SEC14L1: variants seen among roughly 807,000 people sequenced by gnomAD.
SEC14L1 encodes SEC14 like lipid binding 1.
SEC14L1 carries 48 observed loss-of-function variants against 85.3 expected under a neutral mutation model. The observed-to-expected ratio is 0.56, with a 90% CI of 0.45 to 0.72. The LOEUF (loss-of-function observed/expected upper bound fraction) is 0.72. SEC14L1 is among the 30% of genes least tolerant of loss of function. SEC14L1 has a pLI of 0.00. For synonymous variants in SEC14L1, 391 were observed against 355.5 expected (o/e 1.10, Z -1.12); for missense variants, 682 against 921.4 (o/e 0.74, Z 3.36).
chr17:77,139,835 A>G (rs762594338), upstream of SEC14L1, among the ~76,000 whole-genome samples: 24 of 152,128 alleles, frequency 1.6e-4, no homozygotes, highest in Non-Finnish European at 2.6e-4. Context: ...AAAGCCAGTC[A>G]GACTGAATGT....
chr17:77,117,578 T>C (rs1972203591), intron 3 of SEC14L1, among the ~76,000 whole-genome samples: 1 of 152,188 alleles, frequency 6.6e-6, no homozygotes, highest in African/African-American at 2.4e-5. Flanking sequence ...GATCAACTCT[T>C]AGATGAGAAT....
chr17:77,101,642 T>G (rs1230941115), intron 3 of SEC14L1, among the ~76,000 whole-genome samples: 1 of 152,230 alleles, frequency 6.6e-6, no homozygotes, highest in Non-Finnish European at 1.5e-5. Context: ...CCCATCAAAA[T>G]GCAGCTTCTG....
chr17:77,206,961 T>A lies in SEC14L1; in HGVS notation c.1476+99T>A, dbSNP rs374340238. ...ATGATTTTCAGAACTTCCAGTTGTT[T>A]GGATGTTTTGTTTTTGTTTTGTTTC... On this transcript the variant is annotated intron_variant, in intron 13 of 16. Transcript: ENST00000436233. This position sits in a 1 kb window ranked among gnomAD's most constrained non-coding sequence, Gnocchi z 4.3. 1.2e-4 allele frequency: 155 copies of A among 1,280,368 alleles called. 6 individuals carry two copies. In the East Asian group the frequency reaches 1.7e-3, roughly 14 times the overall value. 79.3% of individuals were successfully genotyped at this position (1,280,368 alleles called of 1,614,324 possible). A position where few individuals can be genotyped will look rare whatever the true frequency, so the allele number is the denominator to read the frequency against.
In SEC14L1 at chr17:77,142,944, A is replaced by G. The variant is rs572144374; in HGVS notation, c.-31+194A>G. ...TTACGGATATTAGCTATCTGAGGCT[A>G]GAGATTTCAGTGGAGCCTGTTTAGC... On this transcript the variant is annotated intron_variant, in intron 2 of 16. Transcript: ENST00000436233. Among the ~76,000 whole-genome samples, 351 of 152,372 alleles carry G rather than the reference A, an allele frequency of 2.3e-3. 3 individuals carry two copies. The highest frequency in any genetic ancestry group is 7.6e-3 in the African/African-American group (317 of 41,586).
intron 3 of SEC14L1, among the ~76,000 whole-genome samples, chr17:77,182,258 C>T (rs1009046759): frequency 2.0e-5 from 3 of 152,092 alleles, no homozygotes; most frequent in Non-Finnish European, 4.4e-5. Context: ...GTTGAAATGT[C>T]GTCACAAAAA....
chr17:77,174,724 A>G (rs987199553), intron 3 of SEC14L1, among the ~76,000 whole-genome samples: 3 of 152,146 alleles, frequency 2.0e-5, no homozygotes, highest in African/African-American at 7.2e-5. Context: ...GGAATCCTGG[A>G]TGGGCCCCCA....
intron 3 of SEC14L1, among the ~76,000 whole-genome samples, chr17:77,161,712 CT>C (rs763767954): frequency 0.28 from 28,786 of 102,948 alleles, 3,158 homozygotes; most frequent in Middle Eastern, 0.33. Flanking sequence ...TAAATTGGTT[CT>C]TTTTTTTTTT....
chr17:77,137,065 A>C (rs1972821313), upstream of SEC14L1, among the ~76,000 whole-genome samples: 1 of 151,964 alleles, frequency 6.6e-6, no homozygotes, highest in Non-Finnish European at 1.5e-5. Context: ...ATGTGCCACC[A>C]TGCCTGGTTA....
chr17:77,149,856 G>GTTTTTTTTT (rs201022692), intron 3 of SEC14L1, among the ~76,000 whole-genome samples: 4 of 123,924 alleles, frequency 3.2e-5, no homozygotes, highest in South Asian at 2.6e-4. Context: ...GCTGATTTGT[G>GTTTTTTTTT]TTTTTTTTTT....
chr17:77,200,989 C>T (rs1314834865), intron 9 of SEC14L1, among the ~76,000 whole-genome samples: 4 of 152,198 alleles, frequency 2.6e-5, no homozygotes, highest in African/African-American at 7.2e-5. Context: ...GACAGCAGTG[C>T]CTCTGGCAGA....
intron 3 of SEC14L1, among the ~76,000 whole-genome samples, chr17:77,124,265 G>GA (rs1972378829): frequency 6.6e-6 from 1 of 152,214 alleles, no homozygotes; most frequent in African/African-American, 2.4e-5. Context: ...TTGGGGGGCT[G>GA]AGGGGGGAGG....
At chr17:77,137,444 T>G (rs571842353), upstream of SEC14L1, among the ~76,000 whole-genome samples, 3 of 152,182 alleles carry the variant, frequency 2.0e-5, no homozygotes, top group African/African-American at 4.8e-5. Flanking sequence ...GAAGATCTCA[T>G]GTGAACTTAG....
intron 3 of SEC14L1, among the ~76,000 whole-genome samples, chr17:77,102,557 G>A (rs767658158): frequency 1.1e-4 from 16 of 151,852 alleles, no homozygotes; most frequent in African/African-American, 1.9e-4. Context: ...AGCCTGGAGT[G>A]CAGTGGCGTG....
At chr17:77,104,789 TCAAA>T (rs1971867438) in intron 3 of SEC14L1, among the ~76,000 whole-genome samples, 1 of 79,280 alleles carries the variant, frequency 1.3e-5, no homozygotes, top group Admixed American at 1.6e-4. Context: ...AGACTCCATT[TCAAA>T]AAAAAAAAAA....
intron 3 of SEC14L1, among the ~76,000 whole-genome samples, chr17:77,128,895 A>G (rs1410758188): frequency 6.6e-6 from 1 of 152,154 alleles, no homozygotes; most frequent in Non-Finnish European, 1.5e-5. Context: ...GCTCATAATT[A>G]TAGACAATGG....
chr17:77,216,610 A>C lies in SEC14L1; in HGVS notation c.*2587A>C. 6.2e-7 allele frequency: 1 copy of C among 1,613,232 alleles called. No homozygotes were observed. The highest frequency in any genetic ancestry group is 8.5e-7 in the Non-Finnish European group (1 of 1,179,398). ...CACTCAACAGTCCTCATGTGCCCAG[A>C]GATGTTTATAGAACTGTTTGAATTG... On this transcript the variant is annotated 3_prime_UTR_variant, in exon 17 of 17. Coordinates refer to ENST00000436233, the MANE Select transcript of SEC14L1 (RefSeq NM_001143998.2).
chr17:77,215,209 TTTTG>T lies in SEC14L1; in HGVS notation c.*1190_*1193del, dbSNP rs1484871248. 1 of 985,328 alleles carries T rather than the reference TTTTG, an allele frequency of 1.0e-6. No homozygotes were observed. Among genetic ancestry groups the T allele is most frequent in the Non-Finnish European group, 1.2e-6 (1 of 829,942 alleles). 61.0% of individuals were successfully genotyped at this position (985,328 alleles called of 1,614,324 possible). On this transcript the variant is annotated 3_prime_UTR_variant, in exon 17 of 17. Coordinates refer to ENST00000436233, the MANE Select transcript of SEC14L1 (RefSeq NM_001143998.2). ...ATATGGGATTTGTTTGCCTTTTACA[TTTTG>T]TTTAATTCCTGATTTTAAAGCCTGC...
chr17:77,166,799 A>T (rs141777790), intron 3 of SEC14L1, among the ~76,000 whole-genome samples: 2 of 152,204 alleles, frequency 1.3e-5, no homozygotes, highest in Non-Finnish European at 2.9e-5. Context: ...AGATCGTGCC[A>T]TTGCACTCCA....
intron 9 of SEC14L1, 90 bp from the exon 10 acceptor site, chr17:77,203,480 G>A (rs1428383434): frequency 5.2e-6 from 6 of 1,143,656 alleles, no homozygotes; most frequent in South Asian, 2.7e-5. Context: ...GAACACAGGC[G>A]AACACATATT....
Sources: allele counts gnomAD v4.1 joint callset (sites outside exome capture counted in the v4.1 genomes callset), GRCh38; gene constraint gnomAD v4.1.1; non-coding constraint Gnocchi (gnomAD v3.1); transcripts MANE v1.5; gene names NCBI Gene and HGNC (gene_info 2026-07-23, HGNC 2026-07-21).